Variants in STK33 observed in about 807,000 individuals in gnomAD.
The protein encoded by STK33 is serine/threonine kinase 33.
Under a neutral mutation model 58.0 loss-of-function variants are expected in STK33, and 52 were observed. That is an observed-to-expected ratio of 0.90 (90% CI 0.72 to 1.13). The LOEUF is 1.13. Ranked by LOEUF, STK33 falls within the 50% of genes most tolerant of loss-of-function variation. The pLI is 0.00. For synonymous variants in STK33, 215 were observed against 200.1 expected (o/e 1.07, Z -0.63); for missense variants, 630 against 604.2 (o/e 1.04, Z -0.45).
At chr11:8,435,781 C>T (rs1057458597) in intron 13 of STK33, among the ~76,000 whole-genome samples, 2 of 152,096 alleles carry the variant, frequency 1.3e-5, no homozygotes, top group African/African-American at 4.8e-5. Flanking sequence ...GTTTAATGGT[C>T]TATAGTAAAC....
chr11:8,412,230 A>C (rs896363806), intron 15 of STK33, among the ~76,000 whole-genome samples: 10 of 152,222 alleles, frequency 6.6e-5, no homozygotes, highest in Non-Finnish European at 1.2e-4. Flanking sequence ...AAAAATCTTC[A>C]AACTATGTTC....
intron 1 of STK33, among the ~76,000 whole-genome samples, chr11:8,520,881 G>T (rs1179637787): frequency 6.6e-6 from 1 of 152,158 alleles, no homozygotes; most frequent in Middle Eastern, 3.4e-3. Context: ...TATGCTCATG[G>T]ATAGGAAGAA....
At chr11:8,387,921 T>A (rs1315533469), downstream of STK33, among the ~76,000 whole-genome samples, 1 of 152,070 alleles carries the variant, frequency 6.6e-6, no homozygotes, top group Non-Finnish European at 1.5e-5. Flanking sequence ...GCTTCAGGAT[T>A]TTGCCTACAG....
chr11:8,479,431 CAAA>C (rs777089382), intron 2 of STK33, among the ~76,000 whole-genome samples: 3 of 104,228 alleles, frequency 2.9e-5, no homozygotes, highest in Non-Finnish European at 4.1e-5. Context: ...GACTCCGTCT[CAAA>C]AAAAAAAAAA....
chr11:8,518,943 G>A (rs1419458416), intron 1 of STK33, among the ~76,000 whole-genome samples: 1 of 152,126 alleles, frequency 6.6e-6, no homozygotes, highest in African/African-American at 2.4e-5. Flanking sequence ...AAGACAGAAA[G>A]TTAACAAGGA....
At chr11:8,353,386 C>T in the STK33 span, among the ~76,000 whole-genome samples, 5 of 152,298 alleles carry the variant, frequency 3.3e-5, no homozygotes, top group Admixed American at 6.5e-5. Context: ...TCTAGTCACC[C>T]GGTTTTGTCT....
chr11:8,501,068 G>C (rs1951479435), intron 1 of STK33, among the ~76,000 whole-genome samples: 1 of 152,106 alleles, frequency 6.6e-6, no homozygotes, highest in South Asian at 2.1e-4. Context: ...AGACCTAATT[G>C]TAAGGGCTAA....
At chr11:8,516,320 C>A (rs1952777316) in intron 1 of STK33, among the ~76,000 whole-genome samples, 1 of 152,220 alleles carries the variant, frequency 6.6e-6, no homozygotes, top group African/African-American at 2.4e-5. Context: ...ACAGTCTCTT[C>A]AACAAATGGC....
chr11:8,385,600 A>G, the STK33 span, among the ~76,000 whole-genome samples: 1 of 152,104 alleles, frequency 6.6e-6, no homozygotes, highest in Non-Finnish European at 1.5e-5. Context: ...TATTTTACGC[A>G]TTTGTATAGA....
chr11:8,489,307 G>GA (rs894485574), intron 1 of STK33, among the ~76,000 whole-genome samples: 1 of 133,742 alleles, frequency 7.5e-6, no homozygotes, highest in Non-Finnish European at 1.7e-5. Context: ...AGAACTAAAA[G>GA]AAAGTATAAA....
At chr11:8,350,525 C>T in the STK33 span, among the ~76,000 whole-genome samples, 1 of 152,172 alleles carries the variant, frequency 6.6e-6, no homozygotes, top group Non-Finnish European at 1.5e-5. Context: ...TCACATCTCA[C>T]CTTCCCGTGC....
At chr11:8,578,903 T>C (rs1958369406) in intron 1 of STK33, among the ~76,000 whole-genome samples, 5 of 152,142 alleles carry the variant, frequency 3.3e-5, no homozygotes, top group South Asian at 4.1e-4. Flanking sequence ...CAAGCCCCAG[T>C]TTCCTCATCT....
intron 1 of STK33, among the ~76,000 whole-genome samples, chr11:8,497,208 T>G (rs559972607): frequency 6.6e-6 from 1 of 152,118 alleles, no homozygotes; most frequent in African/African-American, 2.4e-5. Flanking sequence ...GGCCAAAAAT[T>G]TCTACATTTA....
At chr11:8,580,736 T>C (rs939025362) in intron 1 of STK33, 1 of 152,152 alleles carries the variant, frequency 6.6e-6, no homozygotes, top group African/African-American at 2.4e-5. Context: ...ATGTATCCTA[T>C]AAATATACAT....
At chr11:8,562,802 T>C (rs1188772042) in intron 1 of STK33, among the ~76,000 whole-genome samples, 2 of 152,178 alleles carry the variant, frequency 1.3e-5, no homozygotes, top group South Asian at 2.1e-4. Flanking sequence ...ATATTAACTA[T>C]CTGCAAGGCA....
At chr11:8,523,840 T>C (rs1255913750) in intron 1 of STK33, among the ~76,000 whole-genome samples, 1 of 152,174 alleles carries the variant, frequency 6.6e-6, no homozygotes, top group Non-Finnish European at 1.5e-5. Flanking sequence ...TCATTGAGAA[T>C]GGGCCATGAT....
intron 11 of STK33, among the ~76,000 whole-genome samples, chr11:8,444,300 A>T (rs1040377350): frequency 6.6e-6 from 1 of 150,866 alleles, no homozygotes; most frequent in Non-Finnish European, 1.5e-5. Context: ...TCAACCTGAT[A>T]AAAAAAAACT....
downstream of STK33, among the ~76,000 whole-genome samples, chr11:8,390,490 C>G (rs537937652): frequency 2.6e-5 from 4 of 152,148 alleles, no homozygotes; most frequent in African/African-American, 9.7e-5. Context: ...TAAAGAGGCA[C>G]ATCTGTTGGA....
At chr11:8,542,239 G>A (rs954907420) in intron 1 of STK33, among the ~76,000 whole-genome samples, 8 of 152,060 alleles carry the variant, frequency 5.3e-5, no homozygotes, top group Non-Finnish European at 8.8e-5. Context: ...ATATTTCTAC[G>A]ATAAATGTGG....
Sources: allele counts gnomAD v4.1 joint callset (sites outside exome capture counted in the v4.1 genomes callset), GRCh38; gene constraint gnomAD v4.1.1; transcripts MANE v1.5; gene names NCBI Gene and HGNC (gene_info 2026-07-23, HGNC 2026-07-21).